Variants in HDAC8 observed in about 807,000 individuals in gnomAD.
HDAC8 encodes histone deacetylase-like 1.
In HDAC8, 1 loss-of-function variant was observed where a neutral mutation model predicts 32.2. The observed-to-expected ratio is 0.03, with a 90% confidence interval of 0.01 to 0.15. The LOEUF (loss-of-function observed/expected upper bound fraction) is 0.15, where lower values mean the gene tolerates loss of function less well. Among genes scored for constraint, HDAC8 ranks in the 10% least tolerant of loss-of-function variants. The pLI, the probability that HDAC8 is intolerant of heterozygous loss-of-function variation, is 1.00. For synonymous variants in HDAC8, 108 were observed against 113.9 expected (o/e 0.95, Z 0.33); for missense variants, 117 against 300.0 (o/e 0.39, Z 4.51).
intron 10 of HDAC8, among the ~76,000 whole-genome samples, chrX:72,350,288 C>T (rs909684864): frequency 2.7e-5 from 3 of 111,523 alleles, no homozygotes; most frequent in Non-Finnish European, 5.6e-5. Context: ...GTGAGAATAA[C>T]CTTGAGAGTC....
intron 9 of HDAC8, among the ~76,000 whole-genome samples, chrX:72,405,175 A>G (rs1555968462): frequency 9.0e-6 from 1 of 110,740 alleles, no homozygotes; most frequent in African/African-American, 3.3e-5. Flanking sequence ...GTTTCTCTCT[A>G]TGTGTCCATG....
chrX:72,464,256 C>T (rs782809424), intron 8 of HDAC8, among the ~76,000 whole-genome samples: 8 of 111,744 alleles, frequency 7.2e-5, no homozygotes, highest in South Asian at 3.8e-4. Context: ...CAAAGTCTAC[C>T]GGGGTTAACA....
intron 7 of HDAC8, among the ~76,000 whole-genome samples, chrX:72,484,163 T>C (rs782615734): frequency 1.8e-5 from 2 of 112,503 alleles, no homozygotes; most frequent in Non-Finnish European, 3.8e-5. Context: ...AGAAAAGGTT[T>C]CTTTCAATTT....
At chrX:72,516,124 A>C (rs2049793085) in intron 4 of HDAC8, among the ~76,000 whole-genome samples, 1 of 112,104 alleles carries the variant, frequency 8.9e-6, no homozygotes, top group Admixed American at 9.4e-5. Context: ...ATCTGATGTA[A>C]ACTATCTTTT....
intron 4 of HDAC8, among the ~76,000 whole-genome samples, chrX:72,545,497 A>G (rs1473903083): frequency 1.8e-5 from 2 of 112,227 alleles, no homozygotes; most frequent in East Asian, 5.6e-4. Flanking sequence ...TGAGGCACAG[A>G]GAGGTAGTAA....
chrX:72,409,505 C>G (rs2046135853), intron 9 of HDAC8, among the ~76,000 whole-genome samples: 1 of 112,402 alleles, frequency 8.9e-6, no homozygotes, highest in East Asian at 2.8e-4. Flanking sequence ...CTCCATGCTC[C>G]AGCCATACTG....
intron 4 of HDAC8, among the ~76,000 whole-genome samples, chrX:72,513,804 C>G (rs1158450044): frequency 1.8e-5 from 2 of 111,600 alleles, no homozygotes; most frequent in African/African-American, 3.3e-5. Flanking sequence ...TAAAAATGTA[C>G]TGGTCAGTAC....
At chrX:72,362,120 T>C (rs924494515) in intron 9 of HDAC8, among the ~76,000 whole-genome samples, 7 of 111,794 alleles carry the variant, frequency 6.3e-5, no homozygotes, top group African/African-American at 2.3e-4. Context: ...CATTGAAATG[T>C]GATCCCCAAT....
intron 9 of HDAC8, among the ~76,000 whole-genome samples, chrX:72,406,125 C>A (rs1046448215): frequency 8.9e-6 from 1 of 111,767 alleles, no homozygotes; most frequent in Non-Finnish European, 1.9e-5. Context: ...TGTCAGAACC[C>A]TCTGTGGGAT....
chrX:72,457,326 A>G (rs782605771), intron 9 of HDAC8, among the ~76,000 whole-genome samples: 1 of 112,253 alleles, frequency 8.9e-6, no homozygotes, highest in Admixed American at 9.4e-5. Context: ...TTCACACACC[A>G]TTTCCACTCA....
intron 9 of HDAC8, among the ~76,000 whole-genome samples, chrX:72,427,126 C>T (rs1433934204): frequency 2.7e-5 from 3 of 110,831 alleles, no homozygotes; most frequent in Admixed American, 9.6e-5. Flanking sequence ...TACTATACCA[C>T]GTATCAATAA....
At chrX:72,454,015 A>G (rs952505117) in intron 9 of HDAC8, among the ~76,000 whole-genome samples, 1 of 112,411 alleles carries the variant, frequency 8.9e-6, no homozygotes. Flanking sequence ...ATTTGTTGCT[A>G]GCAGACCTAC....
At chrX:72,445,942 C>T (rs2047377350) in intron 9 of HDAC8, among the ~76,000 whole-genome samples, 1 of 112,167 alleles carries the variant, frequency 8.9e-6, no homozygotes, top group African/African-American at 3.2e-5. Context: ...AAATGCTCAC[C>T]ATCACTGGCC....
At chrX:72,550,569 GA>G (rs1292339318) in intron 4 of HDAC8, among the ~76,000 whole-genome samples, 1 of 107,618 alleles carries the variant, frequency 9.3e-6, no homozygotes, top group Non-Finnish European at 1.9e-5. Flanking sequence ...ACACACCCCA[GA>G]ACAAGTTTCA....
At chrX:72,570,250 G>C (rs1448837485) in intron 2 of HDAC8, among the ~76,000 whole-genome samples, 2 of 111,614 alleles carry the variant, frequency 1.8e-5, no homozygotes, top group Non-Finnish European at 3.8e-5. Context: ...AGTCCTAAAA[G>C]CTCCCTCTTC....
chrX:72,365,061 G>A (rs192502615), intron 9 of HDAC8, among the ~76,000 whole-genome samples: 22 of 111,986 alleles, frequency 2.0e-4, no homozygotes, highest in Non-Finnish European at 3.2e-4. Flanking sequence ...TCCCTTTTCC[G>A]AAATACTTGG....
intron 7 of HDAC8, among the ~76,000 whole-genome samples, chrX:72,471,908 A>G (rs1014202093): frequency 1.8e-5 from 2 of 111,587 alleles, no homozygotes; most frequent in African/African-American, 6.5e-5. Context: ...GTCATATCCA[A>G]GAGACCACTT....
At chrX:72,371,416 T>C (rs1555956295) in intron 9 of HDAC8, among the ~76,000 whole-genome samples, 1 of 111,870 alleles carries the variant, frequency 8.9e-6, no homozygotes, top group Non-Finnish European at 1.9e-5. Flanking sequence ...CTCGGACAGC[T>C]ACCAGGAATG....
chrX:72,567,229 C>T (rs2051829964), intron 4 of HDAC8, among the ~76,000 whole-genome samples: 1 of 112,336 alleles, frequency 8.9e-6, no homozygotes, highest in African/African-American at 3.2e-5. Context: ...AGCCTTTTCA[C>T]AAGCCCTTTG....
Sources: gnomAD v4.1 joint callset for allele counts (sites outside exome capture counted in the v4.1 genomes callset) on GRCh38, gnomAD v4.1.1 for gene constraint, MANE v1.5 for transcripts, NCBI Gene and HGNC (gene_info 2026-07-23, HGNC 2026-07-21) for gene names.